DCBLD1: variants seen among roughly 807,000 people sequenced by gnomAD.
DCBLD1 encodes the protein discoidin, CUB and LCCL domain-containing protein 1.
A neutral mutation model predicts 71.5 loss-of-function variants in DCBLD1; 57 were observed. The ratio of observed to expected loss-of-function variants is 0.80; its 90% CI spans 0.64 to 0.99. The LOEUF is 0.99. Ranked by LOEUF, DCBLD1 falls within the 50% of genes least tolerant of loss-of-function variation. The probability of loss-of-function intolerance (pLI) is 0.00; values close to 1 mark genes in which losing one functional copy is unlikely to be tolerated. For missense variants in DCBLD1, 891 were observed against 923.5 expected (o/e 0.96, Z 0.46); for synonymous variants, 380 against 363.8 (o/e 1.04, Z -0.51).
chr6:117,557,206 A>G (rs1371528035), intron 14 of DCBLD1, among the ~76,000 whole-genome samples: 2 of 152,228 alleles, frequency 1.3e-5, no homozygotes, highest in African/African-American at 4.8e-5. Flanking sequence ...ATTGTAGTAA[A>G]TTGGTTCTTT....
At chr6:117,508,215 A>G (rs1777902918) in intron 2 of DCBLD1, 1 of 152,240 alleles carries the variant, frequency 6.6e-6, no homozygotes, top group Admixed American at 6.5e-5. Flanking sequence ...ACACACTTTG[A>G]AACCTGGAAT....
In DCBLD1 at chr6:117,538,821, A is replaced by G; in HGVS notation, c.962A>G (p.Lys321Arg). Reference sequence around the variant, plus strand: ...TGGCTGGAGATCGATTTGGGGGAGAAAAAGAAAATAACAGGTGCAGAAAAT... The same window carrying G: ...TGGCTGGAGATCGATTTGGGGGAGAGAAAGAAAATAACAGGTGCAGAAAAT... ...REWLEIDLGE[K>R]KKITGIRTTG... The change falls in exon 8 of 15, where the codon AAA becomes AGA. Residue 321 changes from lysine (K) to arginine (R), a missense_variant. Coordinates refer to ENST00000338728, the MANE Select transcript of DCBLD1 (RefSeq NM_001366458.2). 6.2e-7 allele frequency: 1 copy of G among 1,612,728 alleles called. No homozygotes were observed. The highest frequency in any genetic ancestry group is 8.5e-7 in the Non-Finnish European group (1 of 1,179,404).
chr6:117,502,693 C>T (rs1777704746), intron 1 of DCBLD1, among the ~76,000 whole-genome samples: 1 of 152,174 alleles, frequency 6.6e-6, no homozygotes, highest in South Asian at 2.1e-4. Context: ...GTTCCTTCTT[C>T]AACAGCTTTC....
intron 2 of DCBLD1, among the ~76,000 whole-genome samples, chr6:117,507,493 G>A (rs774496910): frequency 5.9e-5 from 9 of 152,184 alleles, no homozygotes; most frequent in Non-Finnish European, 1.0e-4. Context: ...ACTGAGATAT[G>A]TGTGCTATTA....
At chr6:117,524,780 TATTA>T (rs1171197082) in intron 4 of DCBLD1, among the ~76,000 whole-genome samples, 2 of 152,172 alleles carry the variant, frequency 1.3e-5, no homozygotes, top group Non-Finnish European at 2.9e-5. Context: ...TAGAATATAT[TATTA>T]ATTTTGCATA....
At chr6:117,529,588 A>G (rs1286127441) in intron 5 of DCBLD1, among the ~76,000 whole-genome samples, 1 of 152,244 alleles carries the variant, frequency 6.6e-6, no homozygotes, top group Non-Finnish European at 1.5e-5. Context: ...TTCAAAAATC[A>G]GGTTCAATAA....
At chr6:117,559,752 G>A (rs1312528212) in intron 14 of DCBLD1, among the ~76,000 whole-genome samples, 2 of 152,086 alleles carry the variant, frequency 1.3e-5, no homozygotes, top group Admixed American at 1.3e-4. Context: ...ATAAAATACT[G>A]ATTAACAATG....
chr6:117,510,555 C>T (rs545136513), intron 2 of DCBLD1, among the ~76,000 whole-genome samples: 1 of 152,128 alleles, frequency 6.6e-6, no homozygotes, highest in African/African-American at 2.4e-5. Flanking sequence ...ACGGGATGCC[C>T]TGAGCCAGGA....
At position 117,495,721 on chromosome 6, in the gene DCBLD1, T is replaced by G. The variant is rs544739679; in HGVS notation, c.113-8046T>G. Among the ~76,000 whole-genome samples the G allele has an allele frequency of 5.4e-4, 83 of 152,378 alleles. 1 individual carries two copies. The highest frequency in any genetic ancestry group is 1.9e-3 in the African/African-American group (77 of 41,588). On this transcript the variant is annotated intron_variant, in intron 1 of 14. Coordinates refer to ENST00000338728, the MANE Select transcript of DCBLD1 (RefSeq NM_001366458.2). ...AAGCCTTCTAATAATCTTTTGCTTT[T>G]CAGCAGAAGTCTCAAGACTGGAGAG...
downstream of DCBLD1, among the ~76,000 whole-genome samples, chr6:117,551,784 C>T (rs1303149283): frequency 6.6e-6 from 1 of 152,084 alleles, no homozygotes; most frequent in Non-Finnish European, 1.5e-5. Flanking sequence ...CTTATTTAGT[C>T]CGCCGTCTTG....
chr6:117,511,895 C>G lies in DCBLD1; in HGVS notation c.325+7916C>G, dbSNP rs1451153561. Among the ~76,000 whole-genome samples the G allele has an allele frequency of 1.1e-4, 16 of 152,274 alleles. No homozygotes were observed. The East Asian group carries it at 2.7e-3, about 26-fold the overall frequency. On this transcript the variant is annotated intron_variant, in intron 2 of 14. Coordinates refer to ENST00000338728, the MANE Select transcript of DCBLD1 (RefSeq NM_001366458.2). ...GCTGCAGACACCCTAGAAGTGCGTC[C>G]TCCTCTATGGTTGAGGCTACTTTGG... is the stretch of plus-strand genomic sequence containing the variant.
chr6:117,549,793 C>T lies in DCBLD1; in HGVS notation c.*1354C>T. On this transcript the variant is annotated 3_prime_UTR_variant, in exon 15 of 15. Transcript: ENST00000338728. ...ACTAATTGTAATAAACTATGCCAAA[C>T]CAAACTGCCCCTGACTCTCACTAGT... The T allele has an allele frequency of 1.0e-6, 1 of 985,354 alleles. No individual in the cohort carries two copies. Among genetic ancestry groups the T allele is most frequent in the Non-Finnish European group, 1.2e-6 (1 of 829,938 alleles). The allele number at this position is 985,354 out of a possible 1,614,324, so 61.0% of individuals were successfully genotyped here.
intron 1 of DCBLD1, among the ~76,000 whole-genome samples, chr6:117,499,933 G>A (rs1777596892): frequency 6.6e-6 from 1 of 152,164 alleles, no homozygotes; most frequent in South Asian, 2.1e-4. Flanking sequence ...CAGGACAATC[G>A]CTTGAACCTG....
chr6:117,548,007 C>A lies in DCBLD1; in HGVS notation c.1716C>A (p.Thr572=), dbSNP rs1779328268. 1 of 1,550,320 alleles carries A rather than the reference C, an allele frequency of 6.5e-7. No homozygotes were observed. Among genetic ancestry groups the A allele is most frequent in the South Asian group, 1.2e-5 (1 of 84,060 alleles). Reference sequence around the variant, plus strand: ...ATGCCGAGGAGGCAGGGGTGAGCACCGATGCCGGCGGCCACTATGACTGCC... The same window carrying A: ...ATGCCGAGGAGGCAGGGGTGAGCACAGATGCCGGCGGCCACTATGACTGCC... ...DTDAEEAGVS[T]DAGGHYDCPQ... Residue 572 remains threonine (T), a synonymous_variant, in exon 15 of 15, where the codon ACC becomes ACA. Coordinates refer to ENST00000338728, the MANE Select transcript of DCBLD1 (RefSeq NM_001366458.2).
Position 117,548,739 on chromosome 6 carries a change from G to A in DCBLD1, c.*300G>A. 1 of 1,326,482 alleles carries A rather than the reference G, an allele frequency of 7.5e-7. No homozygotes were observed. Among genetic ancestry groups the A allele is most frequent in the Non-Finnish European group, 9.6e-7 (1 of 1,037,608 alleles). 82.2% of individuals were successfully genotyped at this position (1,326,482 alleles called of 1,614,324 possible). ...ATATTGAGCTGCTTTGGTGTTAAAG[G>A]TGTAATGTGTACAGAGTTGTATTTA... On this transcript the variant is annotated 3_prime_UTR_variant, in exon 15 of 15. Coordinates refer to ENST00000338728, the MANE Select transcript of DCBLD1 (RefSeq NM_001366458.2).
intron 14 of DCBLD1, among the ~76,000 whole-genome samples, chr6:117,554,959 T>C (rs1171979317): frequency 3.9e-5 from 6 of 152,160 alleles, no homozygotes; most frequent in African/African-American, 1.4e-4. Context: ...GATCAGATAT[T>C]ATTAGCTTGA....
chr6:117,522,806 A>G (rs932835952), intron 4 of DCBLD1, among the ~76,000 whole-genome samples: 1 of 152,164 alleles, frequency 6.6e-6, no homozygotes, highest in Non-Finnish European at 1.5e-5. Context: ...GACCATTTCA[A>G]CATGTCTGCA....
At chr6:117,544,189 T>C in intron 12 of DCBLD1, 1 of 205,836 alleles carries the variant, frequency 4.9e-6, no homozygotes, top group Non-Finnish European at 9.6e-6. Context: ...GACTGGAGTA[T>C]AGTAGAGATG....
intron 12 of DCBLD1, 95 bp from the exon 13 acceptor site, chr6:117,544,433 T>C (rs544919560): frequency 8.2e-7 from 1 of 1,216,570 alleles, no homozygotes; most frequent in Non-Finnish European, 1.1e-6. Context: ...ATCAACCCTA[T>C]GAGGTAAGTA....
Sources: gnomAD v4.1 joint callset for allele counts (sites outside exome capture counted in the v4.1 genomes callset) on GRCh38, gnomAD v4.1.1 for gene constraint, MANE v1.5 for transcripts, NCBI Gene and HGNC (gene_info 2026-07-23, HGNC 2026-07-21) for gene names.